Variants in FRS2 observed in about 807,000 individuals in gnomAD.
The protein encoded by FRS2 is FGFR signalling adaptor.
Under a neutral mutation model 43.9 loss-of-function variants are expected in FRS2, and 8 were observed. That is an observed-to-expected ratio of 0.18 (90% CI 0.11 to 0.33). FRS2 has a LOEUF of 0.33. FRS2 is among the 10% of genes least tolerant of loss of function. The pLI, the probability that FRS2 is intolerant of heterozygous loss-of-function variation, is 1.00. For synonymous variants in FRS2, 219 were observed against 220.3 expected (o/e 0.99, Z 0.05); for missense variants, 534 against 627.6 (o/e 0.85, Z 1.59).
chr12:69,521,905 C>A (rs151060497), intron 1 of FRS2, among the ~76,000 whole-genome samples: 1,900 of 152,250 alleles, frequency 0.012, 26 homozygotes, highest in African/African-American at 0.031. Context: ...TGAGCCACCG[C>A]GCCCAGCCTT....
rs143478379 is a variant in FRS2, at chr12:69,495,890, C to T, written c.-261+25360C>T. 3.7e-3 allele frequency among the ~76,000 whole-genome samples: 555 copies of T among 151,858 alleles called. 1 individual carries two copies. The highest frequency in any genetic ancestry group is 0.013 in the African/African-American group (531 of 41,412). ...GAGGCTTTGTGAACTCTGATAGTGCCGTTGCACTCCAGTCTGGATGACAGC... is the reference window on the plus strand; with the variant it reads ...GAGGCTTTGTGAACTCTGATAGTGCTGTTGCACTCCAGTCTGGATGACAGC... On this transcript the variant is annotated intron_variant, in intron 1 of 8. Transcript: ENST00000549921.
intron 3 of FRS2, among the ~76,000 whole-genome samples, chr12:69,543,951 G>A (rs1278404162): frequency 6.6e-6 from 1 of 151,968 alleles, no homozygotes; most frequent in African/African-American, 2.4e-5. Flanking sequence ...ATTCTCAGAG[G>A]AATAGGGGGA....
At chr12:69,500,451 T>G (rs1291353420) in intron 1 of FRS2, among the ~76,000 whole-genome samples, 1 of 152,176 alleles carries the variant, frequency 6.6e-6, no homozygotes, top group African/African-American at 2.4e-5. Flanking sequence ...CTCAGTGTGT[T>G]AGGAAGTTTT....
At chr12:69,541,080 C>T (rs80349611) in intron 3 of FRS2, among the ~76,000 whole-genome samples, 1 of 152,014 alleles carries the variant, frequency 6.6e-6, no homozygotes, top group Non-Finnish European at 1.5e-5. Context: ...TTTTAAAAAA[C>T]CACAAAACTG....
intron 1 of FRS2, among the ~76,000 whole-genome samples, chr12:69,511,281 T>C (rs1874427190): frequency 6.6e-6 from 1 of 152,206 alleles, no homozygotes; most frequent in African/African-American, 2.4e-5. Context: ...CTTGCTTATG[T>C]ACTAGATGTT....
At chr12:69,503,403 A>G (rs781400550) in intron 1 of FRS2, among the ~76,000 whole-genome samples, 1 of 152,182 alleles carries the variant, frequency 6.6e-6, no homozygotes, top group Non-Finnish European at 1.5e-5. Flanking sequence ...TAGCCTGATC[A>G]TGAAAGTAAA....
rs1460732873 is a variant in FRS2 at position 69,579,381 on chromosome 12, T to TA, written c.*4427dup. The TA allele has an allele frequency of 6.6e-6, 1 of 150,510 alleles. No homozygotes were observed. The highest frequency in any genetic ancestry group is 1.5e-5 in the Non-Finnish European group (1 of 67,814). The allele number at this position is 150,510 out of a possible 1,614,324, so 9.3% of individuals were successfully genotyped here. A position where few individuals can be genotyped will look rare whatever the true frequency, so the allele number is the denominator to read the frequency against. ...TTTTGTCATGACAACTAATTTTTTT[T>TA]ATCTTTGGAGAAGTCAGAGTTCTTT... On this transcript the variant is annotated 3_prime_UTR_variant, in exon 9 of 9. Transcript: ENST00000549921.
intron 1 of FRS2, among the ~76,000 whole-genome samples, chr12:69,501,540 C>T (rs1360683925): frequency 6.6e-6 from 1 of 152,240 alleles, no homozygotes; most frequent in African/African-American, 2.4e-5. Context: ...TAATTGTTAA[C>T]ATATTTCTTT....
rs1394433789 is a variant in FRS2 at position 69,569,131 on chromosome 12, C to T, written c.66+35C>T. On this transcript the variant is annotated intron_variant, in intron 5 of 8. Transcript: ENST00000549921. ...ACTGGTTGAGTTATATATCTTACTG[C>T]CTAGTTGGGTGTTCTTCTTTTATTT... The T allele has an allele frequency of 7.3e-6, 9 of 1,231,924 alleles. No homozygotes were observed. The South Asian group carries it at 1.0e-4, about 14-fold the overall frequency. 76.3% of individuals were successfully genotyped at this position (1,231,924 alleles called of 1,614,324 possible).
chr12:69,557,630 G>GCGCA (rs1555192586), intron 3 of FRS2, among the ~76,000 whole-genome samples: 3 of 147,066 alleles, frequency 2.0e-5, no homozygotes, highest in Non-Finnish European at 3.0e-5. Flanking sequence ...GCGCGCGCGC[G>GCGCA]CGCGCGCAGG....
rs564177590 is a variant in FRS2, at chr12:69,521,678, C to T, written c.-260-9187C>T. Among the ~76,000 whole-genome samples, 15 of 151,890 alleles carry T rather than the reference C, an allele frequency of 9.9e-5. No individual in the cohort carries two copies. In the East Asian group the frequency reaches 1.9e-3, roughly 20 times the overall value. Reference sequence around the variant, plus strand: ...TCACCCAGGCTGGAGTGCAGTGGTGCGATTTGGCTCACTGCAAGCTCTGCC... The same window carrying T: ...TCACCCAGGCTGGAGTGCAGTGGTGTGATTTGGCTCACTGCAAGCTCTGCC... On this transcript the variant is annotated intron_variant, in intron 1 of 8. Coordinates refer to ENST00000549921, the MANE Select transcript of FRS2 (RefSeq NM_001278356.2).
intron 1 of FRS2, among the ~76,000 whole-genome samples, chr12:69,492,980 G>C (rs528883402): frequency 6.6e-6 from 1 of 152,244 alleles, no homozygotes; most frequent in East Asian, 1.9e-4. Context: ...ACTAGTAATG[G>C]AATTCCTGAG....
chr12:69,542,744 C>G (rs1217629404), intron 3 of FRS2, among the ~76,000 whole-genome samples: 1 of 152,084 alleles, frequency 6.6e-6, no homozygotes, highest in Non-Finnish European at 1.5e-5. Context: ...AAAGTAAATT[C>G]TAGTTAATAT....
chr12:69,566,430 C>T (rs929582214), intron 4 of FRS2, among the ~76,000 whole-genome samples: 3 of 152,006 alleles, frequency 2.0e-5, no homozygotes, highest in Middle Eastern at 3.4e-3. Context: ...TCTTATATTA[C>T]TCATCCTATA....
At chr12:69,563,009 A>G (rs1036242343) in intron 4 of FRS2, among the ~76,000 whole-genome samples, 2 of 152,154 alleles carry the variant, frequency 1.3e-5, no homozygotes, top group Admixed American at 6.6e-5. Flanking sequence ...TTGTTCTTAA[A>G]TGTACCCTAC....
intron 1 of FRS2, among the ~76,000 whole-genome samples, chr12:69,471,337 A>ATT (rs1245540698): frequency 3.3e-5 from 5 of 151,872 alleles, no homozygotes; most frequent in Non-Finnish European, 1.5e-5. Flanking sequence ...CAGTTGTATG[A>ATT]TGAGTTCATT....
intron 1 of FRS2, chr12:69,491,396 C>T (rs1424397326): frequency 6.6e-6 from 1 of 152,098 alleles, no homozygotes; most frequent in Non-Finnish European, 1.5e-5. Context: ...CGCGCCTGGC[C>T]CATACGTAGC....
chr12:69,510,542 C>T (rs1193581059), intron 1 of FRS2, among the ~76,000 whole-genome samples: 1 of 152,090 alleles, frequency 6.6e-6, no homozygotes, highest in Non-Finnish European at 1.5e-5. Flanking sequence ...TTCTGGCAAG[C>T]GTATTGTCAT....
chr12:69,534,143 A>G (rs1877062714), intron 3 of FRS2, among the ~76,000 whole-genome samples: 1 of 152,204 alleles, frequency 6.6e-6, no homozygotes, highest in Admixed American at 6.5e-5. Context: ...ATGACATTAA[A>G]AAGACGTGGG....
Sources: gnomAD v4.1 joint callset for allele counts (sites outside exome capture counted in the v4.1 genomes callset) on GRCh38, gnomAD v4.1.1 for gene constraint, MANE v1.5 for transcripts, NCBI Gene and HGNC (gene_info 2026-07-23, HGNC 2026-07-21) for gene names.